Variants in OARD1 observed in about 807,000 individuals in gnomAD.
The protein encoded by OARD1 is O-acyl-ADP-ribose deacylase 1, also known as ADP-ribose glycohydrolase OARD1.
In OARD1, 19 loss-of-function variants were observed where a neutral mutation model predicts 19.7. The ratio of observed to expected loss-of-function variants is 0.96; its 90% CI spans 0.67 to 1.41. The LOEUF (loss-of-function observed/expected upper bound fraction) is 1.41. OARD1 is among the 40% of genes most tolerant of loss of function. OARD1 has a pLI of 0.00. For missense variants in OARD1, 190 were observed against 183.8 expected, an observed-to-expected ratio of 1.03 and a Z score of -0.20; for synonymous variants, 70 against 61.8, an observed-to-expected ratio of 1.13 and a Z score of -0.62.
At chr6:41,082,046 T>C (rs1037818577) in intron 1 of OARD1, among the ~76,000 whole-genome samples, 3 of 152,198 alleles carry the variant, frequency 2.0e-5, no homozygotes, top group African/African-American at 4.8e-5. Context: ...GGTACCCTAC[T>C]TTTTCCCTCC....
intron 1 of OARD1, chr6:41,090,195 T>C: frequency 6.3e-7 from 1 of 1,583,338 alleles, no homozygotes; most frequent in Non-Finnish European, 8.7e-7. Flanking sequence ...CATTACTTAT[T>C]TCCTCCAGAC....
chr6:41,071,108 AG>A (rs1763344871), intron 3 of OARD1, 23 bp downstream of exon 3: 2 of 1,612,928 alleles, frequency 1.2e-6, no homozygotes, highest in African/African-American at 2.7e-5. Flanking sequence ...AGGGCAAACC[AG>A]GTAAGTGGTT....
chr6:41,081,593 A>G (rs905284108), intron 1 of OARD1, among the ~76,000 whole-genome samples: 2 of 152,256 alleles, frequency 1.3e-5, no homozygotes, highest in Non-Finnish European at 2.9e-5. Flanking sequence ...AAATATATAC[A>G]TATACAGACA....
At chr6:41,091,881 G>A (rs1347572804) in intron 1 of OARD1, among the ~76,000 whole-genome samples, 2 of 152,128 alleles carry the variant, frequency 1.3e-5, no homozygotes, top group Non-Finnish European at 2.9e-5. Context: ...ATGTGCCAGG[G>A]ACTATTCACC....
upstream of OARD1, among the ~76,000 whole-genome samples, chr6:41,074,945 G>C (rs773033118): frequency 6.6e-6 from 1 of 152,112 alleles, no homozygotes; most frequent in Non-Finnish European, 1.5e-5. Flanking sequence ...TAAGTATCTG[G>C]TGCCCATTTC....
chr6:41,069,925 T>C (rs1287840784), intron 4 of OARD1, 151 bp downstream of exon 4: 2 of 715,802 alleles, frequency 2.8e-6, no homozygotes, highest in Non-Finnish European at 5.1e-6. Context: ...TGGACTGGAG[T>C]TGTCATAAGA....
At chr6:41,080,670 C>T in intron 1 of OARD1, 1 of 587,328 alleles carries the variant, frequency 1.7e-6, no homozygotes, top group South Asian at 2.5e-5. Flanking sequence ...TTCAACAAAA[C>T]AGCTTCAATA....
At chr6:41,079,023 TAACA>T (rs1763833006) in intron 1 of OARD1, 1 of 1,438,752 alleles carries the variant, frequency 7.0e-7, no homozygotes, top group Admixed American at 1.8e-5. Flanking sequence ...CCCACCTTTC[TAACA>T]GGAGTGTACC....
chr6:41,088,712 G>A (rs1026878658), intron 1 of OARD1, among the ~76,000 whole-genome samples: 5 of 151,768 alleles, frequency 3.3e-5, no homozygotes, highest in Admixed American at 1.3e-4. Flanking sequence ...AGTTCCCCAA[G>A]TAGCTGGGAC....
chr6:41,071,756 T>C (rs1034766221), intron 1 of OARD1, 81 bp from the exon 2 acceptor site: 9 of 770,530 alleles, frequency 1.2e-5, no homozygotes, highest in African/African-American at 1.0e-4. Context: ...AACCACTTAA[T>C]AGGCTTTTTT....
chr6:41,085,890 A>C (rs1051632610), intron 1 of OARD1, among the ~76,000 whole-genome samples: 1 of 152,022 alleles, frequency 6.6e-6, no homozygotes, highest in Admixed American at 6.6e-5. Flanking sequence ...TTATTTTTCA[A>C]CTGAATTCTC....
Position 41,067,424 on chromosome 6 carries a change from G to C in OARD1, c.370C>G (p.Leu124Val), listed in dbSNP as rs1393189711. 1 of 1,612,416 alleles carries C rather than the reference G, an allele frequency of 6.2e-7. No individual in the cohort carries two copies. Among genetic ancestry groups the C allele is most frequent in the Non-Finnish European group, 8.5e-7 (1 of 1,178,780 alleles). ...DLSMPRIGCG[L>V]DRLQWENVSA... Reference sequence around the variant, plus strand: ...ACATTTTCCCATTGCAGACGATCAAGACCACATCCAATCCTGAAAAAGACA... The same window carrying C: ...ACATTTTCCCATTGCAGACGATCAACACCACATCCAATCCTGAAAAAGACA... Residue 124 changes from leucine (L) to valine (V), a missense_variant, in exon 6 of 6, where the codon CTT becomes GTT. By Grantham distance (32) the Leu-to-Val change is conservative. Coordinates refer to ENST00000424266, the MANE Select transcript of OARD1 (RefSeq NM_001329686.2).
chr6:41,087,769 ATT>A (rs1376605012), intron 1 of OARD1, among the ~76,000 whole-genome samples: 1 of 152,210 alleles, frequency 6.6e-6, no homozygotes, highest in Non-Finnish European at 1.5e-5. Context: ...TACACCCAAC[ATT>A]TAAAGGGTTG....
chr6:41,079,056 T>C, intron 1 of OARD1: 1 of 1,606,762 alleles, frequency 6.2e-7, no homozygotes, highest in Non-Finnish European at 8.5e-7. Context: ...TTCTAGGATC[T>C]CCAGAGTGGA....
chr6:41,066,443 T>C lies in OARD1; in HGVS notation c.*892A>G, dbSNP rs1763012518. The C allele has an allele frequency of 6.6e-6, 1 of 152,210 alleles. No individual in the cohort carries two copies. Among genetic ancestry groups the C allele is most frequent in the Admixed American group, 6.5e-5 (1 of 15,280 alleles). 9.4% of individuals were successfully genotyped at this position (152,210 alleles called of 1,614,324 possible). A position where few individuals can be genotyped will look rare whatever the true frequency, so the allele number is the denominator to read the frequency against. ...GAATTTTTTGAGAGGAAGTGGCCTTTATTTTTTTAAAGAAGACTCATAAGG... is the reference window on the plus strand; with the variant it reads ...GAATTTTTTGAGAGGAAGTGGCCTTCATTTTTTTAAAGAAGACTCATAAGG... On this transcript the variant is annotated 3_prime_UTR_variant, in exon 6 of 6. Coordinates refer to ENST00000424266, the MANE Select transcript of OARD1 (RefSeq NM_001329686.2).
chr6:41,091,846 C>A, intron 1 of OARD1: 1 of 856,346 alleles, frequency 1.2e-6, no homozygotes, highest in Non-Finnish European at 1.8e-6. Flanking sequence ...TTATGACAAA[C>A]CATAATTCAT....
At chr6:41,087,372 A>G (rs1764076707) in intron 1 of OARD1, among the ~76,000 whole-genome samples, 2 of 152,152 alleles carry the variant, frequency 1.3e-5, no homozygotes, top group Non-Finnish European at 2.9e-5. Context: ...TTCCATCAGT[A>G]GTCCTTTTTC....
intron 1 of OARD1, among the ~76,000 whole-genome samples, chr6:41,084,506 T>C (rs1020445728): frequency 6.6e-6 from 1 of 152,100 alleles, no homozygotes. Context: ...GTTAGAAAAA[T>C]AACAAAACGA....
chr6:41,071,789 TGA>T, intron 1 of OARD1, 114 bp from the exon 2 acceptor site: 1 of 646,196 alleles, frequency 1.5e-6, no homozygotes. Flanking sequence ...TCGATGAATG[TGA>T]GTTTGTTCGG....
Sources: allele counts gnomAD v4.1 joint callset (sites outside exome capture counted in the v4.1 genomes callset), GRCh38; gene constraint gnomAD v4.1.1; transcripts MANE v1.5; gene names NCBI Gene and HGNC (gene_info 2026-07-23, HGNC 2026-07-21).